Variants in B4GALT4 observed in about 807,000 individuals in gnomAD.
B4GALT4 encodes N-acetyllactosamine synthase.
In B4GALT4, 27 loss-of-function variants were observed where a neutral mutation model predicts 37.3. The ratio of observed to expected loss-of-function variants is 0.72; its 90% CI spans 0.53 to 1.00. The LOEUF is 1.00. Ranked by LOEUF, B4GALT4 falls within the 50% of genes least tolerant of loss-of-function variation. The probability of loss-of-function intolerance (pLI) is 0.00; values close to 1 mark genes in which losing one functional copy is unlikely to be tolerated. For missense variants in B4GALT4, 372 were observed against 413.1 expected, an observed-to-expected ratio of 0.90 and a Z score of 0.86; for synonymous variants, 148 against 154.1, an observed-to-expected ratio of 0.96 and a Z score of 0.29.
At chr3:119,229,702 A>AT in intron 3 of B4GALT4, 145 bp downstream of exon 3, 1 of 913,778 alleles carries the variant, frequency 1.1e-6, no homozygotes, top group Non-Finnish European at 1.6e-6. Context: ...TGTTATATTT[A>AT]TTTTATTTGA....
intron 5 of B4GALT4, among the ~76,000 whole-genome samples, chr3:119,221,578 T>A (rs1227281712): frequency 6.6e-6 from 1 of 152,178 alleles, no homozygotes; most frequent in African/African-American, 2.4e-5. Context: ...ACATTACTTA[T>A]ACATACCTCT....
At chr3:119,235,883 A>G (rs1256003227) in intron 2 of B4GALT4, among the ~76,000 whole-genome samples, 1 of 152,232 alleles carries the variant, frequency 6.6e-6, no homozygotes, top group Non-Finnish European at 1.5e-5. Flanking sequence ...GTCTACACTG[A>G]TAAAAATGAT....
chr3:119,238,262 C>T (rs545649223), intron 1 of B4GALT4, among the ~76,000 whole-genome samples: 57 of 71,432 alleles, frequency 8.0e-4, no homozygotes, highest in Non-Finnish European at 8.7e-4. Context: ...GACCCTGTCT[C>T]TAAAAAAAAA....
intron 6 of B4GALT4, among the ~76,000 whole-genome samples, chr3:119,217,752 A>C (rs1035761364): frequency 6.7e-6 from 1 of 148,794 alleles, no homozygotes; most frequent in African/African-American, 2.5e-5. Context: ...CTGAGGCTGG[A>C]GAATCACTCA....
At chr3:119,227,753 G>T (rs1388058475) in intron 3 of B4GALT4, among the ~76,000 whole-genome samples, 3 of 152,164 alleles carry the variant, frequency 2.0e-5, no homozygotes. Context: ...TAAATTCCAC[G>T]TATACTGGTC....
At chr3:119,221,011 C>T (rs568361679) in intron 5 of B4GALT4, among the ~76,000 whole-genome samples, 1 of 151,082 alleles carries the variant, frequency 6.6e-6, no homozygotes, top group South Asian at 2.1e-4. Flanking sequence ...GGAACTGTTT[C>T]TCAGGTGCCT....
chr3:119,220,663 T>A (rs2078421775), intron 5 of B4GALT4, among the ~76,000 whole-genome samples: 1 of 151,472 alleles, frequency 6.6e-6, no homozygotes, highest in Admixed American at 6.6e-5. Flanking sequence ...AGGGGTGAGC[T>A]GGAGTGGGGA....
At position 119,212,491 on chromosome 3, in the gene B4GALT4, G is replaced by A; in HGVS notation, c.*58C>T. On this transcript the variant is annotated 3_prime_UTR_variant, in exon 8 of 8. Coordinates refer to ENST00000393765, the MANE Select transcript of B4GALT4 (RefSeq NM_003778.4). ...GTGTGCTACTATTTGAAGTCTCTAGGCCAAAATTATTGCAAACAAAGAATC... is the reference window on the plus strand; with the variant it reads ...GTGTGCTACTATTTGAAGTCTCTAGACCAAAATTATTGCAAACAAAGAATC... 2.6e-6 allele frequency: 4 copies of A among 1,522,756 alleles called. No individual in the cohort carries two copies. Among genetic ancestry groups the A allele is most frequent in the Non-Finnish European group, 3.5e-6 (4 of 1,133,378 alleles). 94.3% of individuals were successfully genotyped at this position (1,522,756 alleles called of 1,614,324 possible).
At chr3:119,224,664 A>T (rs770260404) in intron 4 of B4GALT4, among the ~76,000 whole-genome samples, 1 of 152,064 alleles carries the variant, frequency 6.6e-6, no homozygotes, top group Non-Finnish European at 1.5e-5. Flanking sequence ...AGATAGCAAA[A>T]ATTTTAAAAA....
At chr3:119,218,456 C>A (rs746494208) in intron 6 of B4GALT4, among the ~76,000 whole-genome samples, 194 bp downstream of exon 6, 1 of 152,164 alleles carries the variant, frequency 6.6e-6, no homozygotes, top group Non-Finnish European at 1.5e-5. Flanking sequence ...TGCCCCCAGG[C>A]CAGAAGTAAA....
intron 2 of B4GALT4, chr3:119,236,366 G>C (rs545696877): frequency 1.3e-5 from 2 of 152,088 alleles, no homozygotes; most frequent in African/African-American, 4.8e-5. Flanking sequence ...AAAGTTTGTA[G>C]TTTAGTTAAT....
At chr3:119,234,443 C>A (rs61238501) in intron 2 of B4GALT4, among the ~76,000 whole-genome samples, 9,157 of 152,250 alleles carry the variant, frequency 0.06, 327 homozygotes, top group African/African-American at 0.11. Flanking sequence ...TTTATTGGCT[C>A]TAATTACCAA....
rs988599640 is a variant in B4GALT4 at position 119,238,315 on chromosome 3, CAT to C, written c.-363-1247_-363-1246del. Reference sequence around the variant, plus strand: ...AAAATATAATACCAATTATGCAATACATGTGTGTGTGCATACCTTTTACATAC... The same window carrying C: ...AAAATATAATACCAATTATGCAATACGTGTGTGTGCATACCTTTTACATAC... On this transcript the variant is annotated intron_variant, in intron 1 of 7. Coordinates refer to ENST00000393765, the MANE Select transcript of B4GALT4 (RefSeq NM_003778.4). 2.2e-4 allele frequency among the ~76,000 whole-genome samples: 32 copies of C among 144,292 alleles called. 1 individual carries two copies. Among genetic ancestry groups the C allele is most frequent in the African/African-American group, 6.6e-4 (26 of 39,154 alleles). 94.7% of individuals were successfully genotyped at this position (144,292 alleles called of 152,430 possible).
At chr3:119,227,064 A>G in intron 3 of B4GALT4, 23 bp from the exon 4 acceptor site, 1 of 1,600,898 alleles carries the variant, frequency 6.2e-7, no homozygotes, top group Non-Finnish European at 8.6e-7. Context: ...TAGGACACAG[A>G]CAATAACAGT....
intron 3 of B4GALT4, 101 bp from the exon 4 acceptor site, chr3:119,227,142 A>G (rs779839530): frequency 4.2e-6 from 4 of 945,760 alleles, no homozygotes; most frequent in African/African-American, 1.6e-5. Context: ...CCCAGCTCAC[A>G]GTGAGTACTA....
chr3:119,236,098 C>G (rs1444984590), intron 2 of B4GALT4: 1 of 152,180 alleles, frequency 6.6e-6, no homozygotes, highest in Non-Finnish European at 1.5e-5. Context: ...CAAGATAATT[C>G]TTAACTACAA....
chr3:119,220,251 A>G (rs1460257336), intron 5 of B4GALT4, among the ~76,000 whole-genome samples: 1 of 152,270 alleles, frequency 6.6e-6, no homozygotes, highest in African/African-American at 2.4e-5. Context: ...TCATTACCAT[A>G]GTTATCAGAA....
intron 6 of B4GALT4, among the ~76,000 whole-genome samples, chr3:119,218,165 A>AGTGT (rs2078346269): frequency 6.6e-6 from 1 of 152,144 alleles, no homozygotes; most frequent in Non-Finnish European, 1.5e-5. Flanking sequence ...CAGTCTCCAC[A>AGTGT]GCGTGCAGGG....
At chr3:119,226,431 T>C (rs901941106) in intron 4 of B4GALT4, 3 of 227,330 alleles carry the variant, frequency 1.3e-5, no homozygotes, top group African/African-American at 6.9e-5. Flanking sequence ...CCCCATTGAG[T>C]TGCTATGGTT....
Sources: gnomAD v4.1 joint callset for allele counts (sites outside exome capture counted in the v4.1 genomes callset) on GRCh38, gnomAD v4.1.1 for gene constraint, MANE v1.5 for transcripts, NCBI Gene and HGNC (gene_info 2026-07-23, HGNC 2026-07-21) for gene names.